LARGE1: variants seen among roughly 807,000 people sequenced by gnomAD.
LARGE1 encodes xylosyl- and glucuronyltransferase LARGE1.
In LARGE1, 43 loss-of-function variants were observed where a neutral mutation model predicts 87.6. The observed-to-expected ratio is 0.49, with a 90% CI of 0.38 to 0.63. LARGE1 has a LOEUF of 0.63. Ranked by LOEUF, LARGE1 falls within the 30% of genes least tolerant of loss-of-function variation. LARGE1 has a pLI of 0.00. For missense variants in LARGE1, 802 were observed against 1,000.2 expected (o/e 0.80, Z 2.67); for synonymous variants, 434 against 394.6 (o/e 1.10, Z -1.18).
the LARGE1 span, among the ~76,000 whole-genome samples, chr22:33,143,477 C>T: frequency 1.3e-5 from 2 of 152,044 alleles, no homozygotes; most frequent in Non-Finnish European, 2.9e-5. Context: ...CTTCAATGCC[C>T]AGAGAGAGAG....
intron 6 of LARGE1, among the ~76,000 whole-genome samples, chr22:33,481,142 G>A (rs1266350507): frequency 6.7e-6 from 1 of 149,562 alleles, no homozygotes; most frequent in African/African-American, 2.5e-5. Flanking sequence ...AAAAAAAAAC[G>A]CTTTAGTGAT....
intron 12 of LARGE1, among the ~76,000 whole-genome samples, chr22:33,290,278 C>A (rs886909606): frequency 6.6e-6 from 1 of 152,142 alleles, no homozygotes; most frequent in African/African-American, 2.4e-5. Flanking sequence ...GAAAGTGTCT[C>A]GGAAGACATA....
chr22:33,121,679 C>T, the LARGE1 span, among the ~76,000 whole-genome samples: 2 of 152,174 alleles, frequency 1.3e-5, no homozygotes, highest in Non-Finnish European at 2.9e-5. Flanking sequence ...GGGAGATACC[C>T]AGTACCCTTC....
At chr22:33,589,290 G>A (rs2078767535) in intron 5 of LARGE1, among the ~76,000 whole-genome samples, 1 of 152,196 alleles carries the variant, frequency 6.6e-6, no homozygotes, top group Non-Finnish European at 1.5e-5. Context: ...AGATTTCAAT[G>A]AGATAACACT....
chr22:33,519,235 CGT>C (rs3071590), intron 6 of LARGE1, among the ~76,000 whole-genome samples: 1,521 of 149,514 alleles, frequency 0.01, 5 homozygotes, highest in African/African-American at 0.013. Flanking sequence ...CGTGCGCGCG[CGT>C]GTGTGTGTGT....
intron 12 of LARGE1, among the ~76,000 whole-genome samples, chr22:33,296,346 T>C (rs999073386): frequency 1.3e-5 from 2 of 152,212 alleles, no homozygotes; most frequent in African/African-American, 2.4e-5. Context: ...GCAGCTGTGC[T>C]GTGTGACTTT....
intron 13 of LARGE1, among the ~76,000 whole-genome samples, chr22:33,282,253 G>C (rs1455195352): frequency 6.6e-6 from 1 of 152,224 alleles, no homozygotes; most frequent in Non-Finnish European, 1.5e-5. Context: ...ACTGAGGCAG[G>C]AGAATTGCTT....
intron 6 of LARGE1, among the ~76,000 whole-genome samples, chr22:33,441,227 C>T (rs1317307043): frequency 6.6e-6 from 1 of 151,774 alleles, no homozygotes; most frequent in Non-Finnish European, 1.5e-5. Context: ...GTGCTTGCCG[C>T]CATGCCCAGC....
intron 2 of LARGE1, among the ~76,000 whole-genome samples, chr22:33,715,622 G>A (rs187085627): frequency 4.5e-4 from 69 of 152,276 alleles, no homozygotes; most frequent in Admixed American, 9.8e-4. Context: ...ATGTAGGATC[G>A]CCAGGCCCTA....
the LARGE1 span, among the ~76,000 whole-genome samples, chr22:33,082,467 T>C: frequency 3.3e-5 from 5 of 152,200 alleles, no homozygotes. Flanking sequence ...GGTGTGACCA[T>C]TCATTTCAAG....
At chr22:33,149,896 G>A in the LARGE1 span, among the ~76,000 whole-genome samples, 1 of 152,142 alleles carries the variant, frequency 6.6e-6, no homozygotes, top group Non-Finnish European at 1.5e-5. Flanking sequence ...GGATCTGTCT[G>A]AATTTCTATT....
chr22:33,090,904 G>A, the LARGE1 span, among the ~76,000 whole-genome samples: 1 of 152,276 alleles, frequency 6.6e-6, no homozygotes, highest in East Asian at 1.9e-4. Flanking sequence ...GTGATAGGGA[G>A]CTCTCTTCTT....
intron 1 of LARGE1, among the ~76,000 whole-genome samples, chr22:33,877,756 CTACAAAAA>C (rs1192685201): frequency 6.6e-5 from 10 of 152,012 alleles, no homozygotes; most frequent in East Asian, 1.9e-4. Flanking sequence ...AACCGTGTCT[CTACAAAAA>C]TACAAAAATT....
At chr22:33,187,320 G>T (rs1923527003) in intron 11 of LARGE1, among the ~76,000 whole-genome samples, 1 of 152,122 alleles carries the variant, frequency 6.6e-6, no homozygotes, top group African/African-American at 2.4e-5. Context: ...TTAAAAAGAA[G>T]GAAATCCTGT....
chr22:33,788,950 A>T (rs542419338), intron 1 of LARGE1, among the ~76,000 whole-genome samples: 1 of 152,378 alleles, frequency 6.6e-6, no homozygotes, highest in South Asian at 2.1e-4. Context: ...AATAGAAAAG[A>T]AAAACCCTTT....
chr22:33,900,600 G>C (rs1483531205), intron 1 of LARGE1, among the ~76,000 whole-genome samples: 1 of 152,158 alleles, frequency 6.6e-6, no homozygotes, highest in Non-Finnish European at 1.5e-5. Flanking sequence ...CAGTATTAAG[G>C]GTTGAAATAA....
intron 7 of LARGE1, among the ~76,000 whole-genome samples, chr22:33,398,192 T>A (rs16992256): frequency 0.31 from 47,752 of 151,638 alleles, 8,361 homozygotes; most frequent in African/African-American, 0.47. Context: ...ACTTTGCTAG[T>A]CTTTTCTGGA....
At chr22:33,407,701 T>G (rs890139265) in intron 7 of LARGE1, among the ~76,000 whole-genome samples, 1 of 152,016 alleles carries the variant, frequency 6.6e-6, no homozygotes, top group African/African-American at 2.4e-5. Context: ...TAACCAAGTC[T>G]GCTCCCGAGA....
At chr22:33,823,713 T>C (rs558169281) in intron 1 of LARGE1, among the ~76,000 whole-genome samples, 1 of 152,280 alleles carries the variant, frequency 6.6e-6, no homozygotes, top group African/African-American at 2.4e-5. Flanking sequence ...CCATTGTGCC[T>C]TCCCCATAGA....
Sources: gnomAD v4.1 joint callset for allele counts (sites outside exome capture counted in the v4.1 genomes callset) on GRCh38, gnomAD v4.1.1 for gene constraint, MANE v1.5 for transcripts, NCBI Gene and HGNC (gene_info 2026-07-23, HGNC 2026-07-21) for gene names.